Variants in TACR3 observed in about 807,000 individuals in gnomAD.
TACR3 encodes neuromedin-K receptor.
TACR3 carries 34 observed loss-of-function variants against 35.0 expected under a neutral mutation model. The ratio of observed to expected loss-of-function variants is 0.97; its 90% CI spans 0.74 to 1.30. The LOEUF is 1.30. Among genes scored for constraint, TACR3 ranks in the 50% most tolerant of loss-of-function variants. The pLI is 0.00. For missense variants in TACR3, 558 were observed against 591.7 expected, an observed-to-expected ratio of 0.94 and a Z score of 0.59; for synonymous variants, 233 against 221.1, an observed-to-expected ratio of 1.05 and a Z score of -0.48.
At chr4:103,598,814 T>G (rs1187991265) in intron 3 of TACR3, among the ~76,000 whole-genome samples, 2 of 152,226 alleles carry the variant, frequency 1.3e-5, no homozygotes, top group Non-Finnish European at 2.9e-5. Flanking sequence ...TTGGTCTATA[T>G]ATCTGTTTGT....
At chr4:103,658,544 T>TAGAG in intron 1 of TACR3, 141 bp from the exon 2 acceptor site, 1 of 733,876 alleles carries the variant, frequency 1.4e-6, no homozygotes, top group Non-Finnish European at 2.3e-6. Flanking sequence ...ACTGCTTGAG[T>TAGAG]AGAGGCAGCG....
intron 1 of TACR3, among the ~76,000 whole-genome samples, chr4:103,709,112 C>A (rs1722875202): frequency 6.6e-6 from 1 of 152,162 alleles, no homozygotes; most frequent in Non-Finnish European, 1.5e-5. Context: ...ATTTCCCCAA[C>A]CTACCAACGC....
chr4:103,687,694 C>T (rs908517451), intron 1 of TACR3, among the ~76,000 whole-genome samples: 62 of 152,068 alleles, frequency 4.1e-4, no homozygotes, highest in African/African-American at 1.0e-3. Context: ...TTATAAGGGA[C>T]GTGAAGGACC....
At chr4:103,651,449 G>C (rs1461252438) in intron 3 of TACR3, among the ~76,000 whole-genome samples, 1 of 151,872 alleles carries the variant, frequency 6.6e-6, no homozygotes, top group African/African-American at 2.4e-5. Context: ...TCAGCTTGTG[G>C]TAAATGCTGC....
intron 1 of TACR3, among the ~76,000 whole-genome samples, chr4:103,690,884 C>G (rs989021907): frequency 6.6e-6 from 1 of 152,062 alleles, no homozygotes; most frequent in Non-Finnish European, 1.5e-5. Flanking sequence ...TAGGTACATA[C>G]AATTTTATAA....
At chr4:103,644,874 A>T (rs1436143150) in intron 3 of TACR3, among the ~76,000 whole-genome samples, 4 of 151,818 alleles carry the variant, frequency 2.6e-5, no homozygotes, top group Non-Finnish European at 4.4e-5. Context: ...TGTCCTGAAA[A>T]TGTGGAAATG....
chr4:103,711,865 GC>G (rs1444702655), intron 1 of TACR3, among the ~76,000 whole-genome samples: 1 of 152,100 alleles, frequency 6.6e-6, no homozygotes, highest in Non-Finnish European at 1.5e-5. Context: ...CAAACAGAGA[GC>G]CAAATCATGA....
intron 1 of TACR3, among the ~76,000 whole-genome samples, chr4:103,714,604 A>C (rs1026941097): frequency 6.6e-6 from 1 of 152,158 alleles, no homozygotes; most frequent in African/African-American, 2.4e-5. Flanking sequence ...TAGGCTAAAA[A>C]GTTCATCATT....
At chr4:103,593,543 A>C (rs1723939907) in intron 3 of TACR3, 1 of 152,186 alleles carries the variant, frequency 6.6e-6, no homozygotes. Context: ...GGCTCAGAGG[A>C]TATTAGACTA....
At chr4:103,689,659 GA>G (rs1722354665) in intron 1 of TACR3, among the ~76,000 whole-genome samples, 1 of 151,844 alleles carries the variant, frequency 6.6e-6, no homozygotes, top group Admixed American at 6.6e-5. Flanking sequence ...ATTTAACAAG[GA>G]AAAATTAAAG....
At chr4:103,704,515 A>C (rs369832655) in intron 1 of TACR3, among the ~76,000 whole-genome samples, 2 of 152,222 alleles carry the variant, frequency 1.3e-5, no homozygotes, top group East Asian at 3.9e-4. Context: ...AGAAGAGGAA[A>C]CAGGCACATC....
In TACR3 at chr4:103,658,260, G is replaced by A. The variant is rs764659822; in HGVS notation, c.692C>T (p.Thr231Ile). 10 of 1,613,990 alleles carry A rather than the reference G, an allele frequency of 6.2e-6. No individual in the cohort carries two copies. In the East Asian group the frequency reaches 1.8e-4, roughly 29 times the overall value. ...TTCTGGCCATTGCACAAAGCAGAGA[G>A]TACGGCCTGGCATGACTTTGGTTTT... is the stretch of plus-strand genomic sequence containing the variant. ...YSKTKVMPGR[T>I]LCFVQWPEGP... The change falls in exon 2 of 5, where the codon ACT (threonine) becomes ATT (isoleucine). Residue 231 changes from threonine (T) to isoleucine (I), a missense_variant. Physicochemically the swap from Thr to Ile is moderately conservative, Grantham distance 89 (BLOSUM62 -1). Coordinates refer to ENST00000304883, the MANE Select transcript of TACR3 (RefSeq NM_001059.3).
intron 3 of TACR3, among the ~76,000 whole-genome samples, chr4:103,645,060 G>GAAA (rs1725431132): frequency 6.6e-6 from 1 of 151,692 alleles, no homozygotes; most frequent in South Asian, 2.1e-4. Flanking sequence ...AATTGGCATG[G>GAAA]AAAAAGAGTC....
At chr4:103,645,900 G>A (rs34189274) in intron 3 of TACR3, among the ~76,000 whole-genome samples, 6,298 of 151,890 alleles carry the variant, frequency 0.041, 200 homozygotes, top group Middle Eastern at 0.14. Flanking sequence ...TCCTAGATAG[G>A]GCAAGAACTG....
At chr4:103,624,139 A>T (rs1207730284) in intron 3 of TACR3, 2 of 152,164 alleles carry the variant, frequency 1.3e-5, no homozygotes, top group Non-Finnish European at 2.9e-5. Flanking sequence ...TTGAGTTCCT[A>T]TTCCCTTTAG....
intron 3 of TACR3, among the ~76,000 whole-genome samples, chr4:103,604,622 T>G (rs1724302985): frequency 1.3e-5 from 2 of 151,878 alleles, no homozygotes; most frequent in South Asian, 2.1e-4. Flanking sequence ...ATGGGAGAAT[T>G]TTTTTGCAAT....
intron 1 of TACR3, among the ~76,000 whole-genome samples, chr4:103,683,431 A>C (rs1227989027): frequency 7.3e-6 from 1 of 136,976 alleles, no homozygotes; most frequent in East Asian, 2.3e-4. Flanking sequence ...AACCTTTTGG[A>C]AAGCTTGCTA....
intron 1 of TACR3, among the ~76,000 whole-genome samples, chr4:103,706,923 C>A (rs59219185): frequency 0.04 from 6,159 of 152,162 alleles, 409 homozygotes; most frequent in African/African-American, 0.14. Context: ...TCAAATGAGA[C>A]AAAAAGATAC....
chr4:103,679,911 T>C (rs1726252698), intron 1 of TACR3, among the ~76,000 whole-genome samples: 2 of 151,772 alleles, frequency 1.3e-5, no homozygotes, highest in South Asian at 4.1e-4. Context: ...ACAAGCTCTA[T>C]TATATATATA....
Sources: gnomAD v4.1 joint callset for allele counts (sites outside exome capture counted in the v4.1 genomes callset) on GRCh38, gnomAD v4.1.1 for gene constraint, MANE v1.5 for transcripts, NCBI Gene and HGNC (gene_info 2026-07-23, HGNC 2026-07-21) for gene names.